Variants in CRYL1 observed in about 807,000 individuals in gnomAD.
CRYL1 encodes crystallin lambda 1.
CRYL1 carries 29 observed loss-of-function variants against 36.6 expected under a neutral mutation model. That is an observed-to-expected ratio of 0.79 (90% CI 0.59 to 1.08). The LOEUF (loss-of-function observed/expected upper bound fraction) is 1.08. CRYL1 is among the 50% of genes least tolerant of loss of function. The pLI is 0.00. For missense variants in CRYL1, 411 were observed against 407.9 expected, an observed-to-expected ratio of 1.01 and a Z score of -0.06; for synonymous variants, 152 against 151.5, an observed-to-expected ratio of 1.00 and a Z score of -0.02.
At chr13:20,458,131 A>C (rs901536770) in intron 3 of CRYL1, among the ~76,000 whole-genome samples, 2 of 152,178 alleles carry the variant, frequency 1.3e-5, no homozygotes, top group African/African-American at 4.8e-5. Context: ...TAATTTGCAC[A>C]TTTTTTCTCA....
In CRYL1 at chr13:20,427,411, A is replaced by G. The variant is rs999315397; in HGVS notation, c.633+4691T>C. On this transcript the variant is annotated intron_variant, in intron 5 of 7. Transcript: ENST00000298248. ...TGTCCATTCTACCCCACGAAGGTCT[A>G]AGGGCTTACAGAGCTGCAAGGGAAC... The G allele has an allele frequency of 2.6e-5, 15 of 573,738 alleles. No homozygotes were observed. The African/African-American group carries it at 2.7e-4, about 10-fold the overall frequency. The allele number at this position is 573,738 out of a possible 1,614,324, so 35.5% of individuals were successfully genotyped here.
intron 6 of CRYL1, among the ~76,000 whole-genome samples, chr13:20,407,825 C>T (rs1189876985): frequency 6.6e-6 from 1 of 152,230 alleles, no homozygotes; most frequent in Admixed American, 6.5e-5. Context: ...GAGCCTTGGG[C>T]TGTGGGCCTC....
At chr13:20,407,007 T>C (rs1396813847) in intron 6 of CRYL1, among the ~76,000 whole-genome samples, 1 of 151,476 alleles carries the variant, frequency 6.6e-6, no homozygotes, top group Non-Finnish European at 1.5e-5. Flanking sequence ...AGGAGCTTTC[T>C]AGAACTTTCT....
chr13:20,474,406 G>A (rs1260187995), intron 3 of CRYL1, among the ~76,000 whole-genome samples: 1 of 152,096 alleles, frequency 6.6e-6, no homozygotes, highest in Non-Finnish European at 1.5e-5. Flanking sequence ...GGAGGAGAGA[G>A]CCATATTCCA....
intron 3 of CRYL1, among the ~76,000 whole-genome samples, chr13:20,447,142 C>T (rs1392051228): frequency 6.6e-6 from 1 of 152,160 alleles, no homozygotes; most frequent in Non-Finnish European, 1.5e-5. Flanking sequence ...TCCCAATCCA[C>T]TTAGGACTAC....
chr13:20,510,815 G>A (rs749482645), intron 2 of CRYL1, among the ~76,000 whole-genome samples: 1 of 151,894 alleles, frequency 6.6e-6, no homozygotes. Context: ...GTTTCACCAT[G>A]TTGCTTAGGG....
chr13:20,427,671 T>G (rs1593436834), intron 5 of CRYL1, among the ~76,000 whole-genome samples: 3 of 117,312 alleles, frequency 2.6e-5, no homozygotes, highest in African/African-American at 6.7e-5. Flanking sequence ...GGTCCCAGAG[T>G]GAGTGAGTGA....
intron 3 of CRYL1, among the ~76,000 whole-genome samples, chr13:20,441,177 T>A (rs2032344536): frequency 6.6e-6 from 1 of 152,160 alleles, no homozygotes; most frequent in Admixed American, 6.5e-5. Context: ...CGTTCCCCAG[T>A]GACTTCAGGA....
intron 2 of CRYL1, among the ~76,000 whole-genome samples, chr13:20,490,156 C>T (rs1030076078): frequency 3.3e-5 from 5 of 152,100 alleles, no homozygotes; most frequent in East Asian, 3.8e-4. Flanking sequence ...TTTGGGAGGC[C>T]GAGGTGGGTG....
Position 20,512,523 on chromosome 13 carries a change from C to T in CRYL1, c.69G>A (p.Met23Ile), listed in dbSNP as rs1484973957. 1.2e-6 allele frequency: 2 copies of T among 1,614,076 alleles called. No homozygotes were observed. Among genetic ancestry groups the T allele is most frequent in the Non-Finnish European group, 1.7e-6 (2 of 1,179,942 alleles). ...GSGVIGRSWA[M>I]LFASGGFQVK... is the part of the protein sequence containing the mutation. The stretch of plus-strand genomic sequence containing the variant: ...CCTGGAAGCCTCCACTGGCAAACAG[C>T]ATGGCCCAGCTTCGCCCAATGACTC... The change falls in exon 2 of 8, where the codon ATG (methionine) becomes ATA (isoleucine). Residue 23 changes from methionine (M) to isoleucine (I), a missense_variant. Coordinates refer to ENST00000298248, the MANE Select transcript of CRYL1 (RefSeq NM_015974.3).
At chr13:20,408,850 G>A (rs1386220928) in intron 6 of CRYL1, among the ~76,000 whole-genome samples, 1 of 152,034 alleles carries the variant, frequency 6.6e-6, no homozygotes, top group Non-Finnish European at 1.5e-5. Flanking sequence ...AAATAAAAGA[G>A]GATACAAACA....
rs9579868 is a variant in CRYL1, at chr13:20,467,823, C to T, written c.276+21547G>A. 8.1e-3 allele frequency among the ~76,000 whole-genome samples: 1,226 copies of T among 152,230 alleles called. 15 individuals are homozygous for T. The highest frequency in any genetic ancestry group is 0.028 in the African/African-American group (1,170 of 41,528). The stretch of plus-strand genomic sequence containing the variant: ...TACTTCAACACAGGGGTCTGCAACG[C>T]CCGGTGCCTCAGACTGGTACCGGTC... On this transcript the variant is annotated intron_variant, in intron 3 of 7. Transcript: ENST00000298248.
chr13:20,510,183 C>T (rs1175365398), intron 2 of CRYL1, among the ~76,000 whole-genome samples: 11 of 152,184 alleles, frequency 7.2e-5, no homozygotes, highest in Non-Finnish European at 1.2e-4. Flanking sequence ...GAGTTGGAAA[C>T]TTATGTCCAT....
intron 5 of CRYL1, 93 bp downstream of exon 5, chr13:20,432,009 G>C (rs1435887699): frequency 1.3e-6 from 2 of 1,598,970 alleles, no homozygotes; most frequent in Non-Finnish European, 1.7e-6. Flanking sequence ...GGCTGCCCAA[G>C]GAACAACTTT....
chr13:20,419,830 T>G (rs1349017879), intron 5 of CRYL1, among the ~76,000 whole-genome samples: 1 of 152,238 alleles, frequency 6.6e-6, no homozygotes, highest in Non-Finnish European at 1.5e-5. Context: ...TGTTTTCGTT[T>G]TCTATACTCT....
Position 20,420,701 on chromosome 13 carries a change from T to TTTTTTTTTTTTTTTTTTTTTTGTGTG in CRYL1, c.634-7315_634-7314insCACACAAAAAAAAAAAAAAAAAAAAA. ...CTTTGACTTTTCTTTAAAATAGAGG[T>TTTTTTTTTTTTTTTTTTTTTTGTGTG]TGTGTGTGTGTGTGTGTGTGTGTGT... On this transcript the variant is annotated intron_variant, in intron 5 of 7. Coordinates refer to ENST00000298248, the MANE Select transcript of CRYL1 (RefSeq NM_015974.3). Among the ~76,000 whole-genome samples the TTTTTTTTTTTTTTTTTTTTTTGTGTG allele has an allele frequency of 1.4e-4, 3 of 21,840 alleles. 1 individual carries two copies. Among genetic ancestry groups the TTTTTTTTTTTTTTTTTTTTTTGTGTG allele is most frequent in the African/African-American group, 2.1e-4 (2 of 9,476 alleles). 14.3% of individuals were successfully genotyped at this position (21,840 alleles called of 152,430 possible). A position where few individuals can be genotyped will look rare whatever the true frequency, so the allele number is the denominator to read the frequency against.
intron 6 of CRYL1, among the ~76,000 whole-genome samples, chr13:20,408,629 A>AT (rs2031442145): frequency 6.6e-6 from 1 of 152,188 alleles, no homozygotes; most frequent in African/African-American, 2.4e-5. Context: ...TTGTACATTG[A>AT]TTTTGTATCC....
At chr13:20,417,286 A>T (rs1186113892) in intron 5 of CRYL1, among the ~76,000 whole-genome samples, 2 of 152,232 alleles carry the variant, frequency 1.3e-5, no homozygotes, top group African/African-American at 2.4e-5. Flanking sequence ...TATTATCATA[A>T]CAATGACAAA....
chr13:20,403,936 G>A lies in CRYL1; in HGVS notation c.*193C>T, dbSNP rs1375827693. On this transcript the variant is annotated 3_prime_UTR_variant, in exon 8 of 8. Transcript: ENST00000298248. Reference sequence around the variant, plus strand: ...CCGAGAACGCAAGTGCTGCTGTGCCGCCAGGCCCAGGGCTATGATCCAAAG... The same window carrying A: ...CCGAGAACGCAAGTGCTGCTGTGCCACCAGGCCCAGGGCTATGATCCAAAG... 7.1e-6 allele frequency: 3 copies of A among 421,404 alleles called. No homozygotes were observed. The highest frequency in any genetic ancestry group is 1.2e-4 in the South Asian group (2 of 17,220). The allele number at this position is 421,404 out of a possible 1,614,324, so 26.1% of individuals were successfully genotyped here.
Sources: allele counts gnomAD v4.1 joint callset (sites outside exome capture counted in the v4.1 genomes callset), GRCh38; gene constraint gnomAD v4.1.1; transcripts MANE v1.5; gene names NCBI Gene and HGNC (gene_info 2026-07-23, HGNC 2026-07-21).